The following IFT43 variants were observed in gnomAD, a reference collection of about 807,000 sequenced individuals.
IFT43 encodes the protein intraflagellar transport protein 43 homolog.
A neutral mutation model predicts 32.3 loss-of-function variants in IFT43; 33 were observed. The observed-to-expected ratio is 1.02, with a 90% confidence interval of 0.77 to 1.37. The LOEUF is 1.37. Among genes scored for constraint, IFT43 ranks in the 40% most tolerant of loss-of-function variants. The pLI, the probability that IFT43 is intolerant of heterozygous loss-of-function variation, is 0.00. For synonymous variants in IFT43, 93 were observed against 98.2 expected, an observed-to-expected ratio of 0.95 and a Z score of 0.31; for missense variants, 274 against 265.9, an observed-to-expected ratio of 1.03 and a Z score of -0.21.
intron 5 of IFT43, among the ~76,000 whole-genome samples, chr14:76,072,939 C>T (rs921296987): frequency 1.3e-5 from 2 of 152,186 alleles, no homozygotes; most frequent in Admixed American, 1.3e-4. Flanking sequence ...ACTTCTCCAC[C>T]TCCACACAGT....
intron 2 of IFT43, among the ~76,000 whole-genome samples, chr14:75,995,419 G>C (rs957804207): frequency 6.6e-6 from 1 of 152,150 alleles, no homozygotes; most frequent in Non-Finnish European, 1.5e-5. Flanking sequence ...AGTCACAGCT[G>C]TTCCCTTTCT....
intron 3 of IFT43, among the ~76,000 whole-genome samples, chr14:76,028,468 AAATCTGTTTTATTTT>A (rs1429736985): frequency 6.6e-6 from 1 of 152,142 alleles, no homozygotes; most frequent in Admixed American, 6.6e-5. Flanking sequence ...GATTTTAAAA[AAATCTGTTTTATTTT>A]AGATTCAGGA....
chr14:75,998,873 T>C (rs1433512232), intron 2 of IFT43, among the ~76,000 whole-genome samples: 1 of 152,196 alleles, frequency 6.6e-6, no homozygotes, highest in Non-Finnish European at 1.5e-5. Flanking sequence ...ACTGGAACTA[T>C]AGGCATGCAC....
At chr14:76,039,621 T>C (rs2036668644) in intron 3 of IFT43, among the ~76,000 whole-genome samples, 1 of 152,228 alleles carries the variant, frequency 6.6e-6, no homozygotes, top group South Asian at 2.1e-4. Context: ...GTGTCTTCTT[T>C]TGAGACATTA....
intron 3 of IFT43, among the ~76,000 whole-genome samples, chr14:76,055,922 C>T (rs528678423): frequency 2.0e-4 from 31 of 152,272 alleles, no homozygotes; most frequent in African/African-American, 7.0e-4. Flanking sequence ...TAGTTCTGGA[C>T]CCCCAGTGTT....
At chr14:76,054,272 C>A (rs2036969366) in intron 3 of IFT43, among the ~76,000 whole-genome samples, 1 of 152,216 alleles carries the variant, frequency 6.6e-6, no homozygotes, top group African/African-American at 2.4e-5. Flanking sequence ...CTCCAGCTTC[C>A]AATTTGCTGT....
At chr14:76,059,641 A>T (rs893195944) in intron 5 of IFT43, 9 of 472,152 alleles carry the variant, frequency 1.9e-5, no homozygotes, top group Non-Finnish European at 3.5e-5. Flanking sequence ...TTCCCATCCC[A>T]CTCCCTCTCT....
chr14:76,060,515 G>A (rs770687353), intron 5 of IFT43, among the ~76,000 whole-genome samples: 13 of 148,778 alleles, frequency 8.7e-5, no homozygotes, highest in Middle Eastern at 3.5e-3. Context: ...CACCGCGCCC[G>A]GCCCCAAATT....
At chr14:76,072,413 G>A (rs957944833) in intron 5 of IFT43, among the ~76,000 whole-genome samples, 1 of 152,136 alleles carries the variant, frequency 6.6e-6, no homozygotes, top group Admixed American at 6.5e-5. Context: ...CCCTAACTAT[G>A]CCCTGAAATG....
At chr14:76,081,336 T>C (rs2037506931) in intron 5 of IFT43, among the ~76,000 whole-genome samples, 1 of 152,246 alleles carries the variant, frequency 6.6e-6, no homozygotes, top group African/African-American at 2.4e-5. Context: ...GTGTTTACAG[T>C]TGCTTTGGGA....
In IFT43 at chr14:75,992,730, G is replaced by A. The variant is rs570968670; in HGVS notation, c.147+3753G>A. On this transcript the variant is annotated intron_variant, in intron 2 of 8. Coordinates refer to ENST00000314067, the MANE Select transcript of IFT43 (RefSeq NM_001102564.3). ...CTGACTGATTTTTTTTTGTAGAGAC[G>A]AAGACTTGTTATGTTGCCCAGGCTG... Among the ~76,000 whole-genome samples the A allele has an allele frequency of 1.0e-3, 155 of 152,102 alleles. 1 individual carries two copies. The highest frequency in any genetic ancestry group is 3.5e-3 in the African/African-American group (146 of 41,484).
At chr14:75,999,250 TATATATATATATATATATATA>T (rs1243404819) in intron 2 of IFT43, among the ~76,000 whole-genome samples, 95 of 7,966 alleles carry the variant, frequency 0.012, 2 homozygotes, top group African/African-American at 0.039. Context: ...TATATATATA[TATATATATATATATATATATA>T]TGTATATATA....
intron 5 of IFT43, among the ~76,000 whole-genome samples, chr14:76,072,961 C>T (rs1054302702): frequency 5.3e-5 from 8 of 152,082 alleles, no homozygotes; most frequent in African/African-American, 1.9e-4. Context: ...GTGACAGGAG[C>T]GGGTGAATGA....
At position 76,022,230 on chromosome 14, in the gene IFT43, G is replaced by A. The variant is rs1021612195; in HGVS notation, c.148-97G>A. The A allele has an allele frequency of 2.7e-6, 3 of 1,130,286 alleles. No individual in the cohort carries two copies. In the African/African-American group the frequency reaches 4.7e-5, roughly 18 times the overall value. The allele number at this position is 1,130,286 out of a possible 1,614,324, so 70.0% of individuals were successfully genotyped here. ...CGCACCACTGCACTCCAGCCTGGGT[G>A]ACAGAGTGAGATTTCATCTCAAAAA... On this transcript the variant is annotated intron_variant, in intron 2 of 8. Transcript: ENST00000314067.
chr14:76,014,233 C>A, intron 2 of IFT43: 1 of 180,556 alleles, frequency 5.5e-6, no homozygotes. Context: ...TGTGCTACCA[C>A]CTGGCATTCG....
intron 3 of IFT43, among the ~76,000 whole-genome samples, chr14:76,023,924 A>C (rs991262769): frequency 6.6e-6 from 1 of 152,230 alleles, no homozygotes; most frequent in Non-Finnish European, 1.5e-5. Flanking sequence ...GGGGTGTTCA[A>C]GAGAGAGAAT....
At chr14:76,038,093 G>A (rs1175866809) in intron 3 of IFT43, 2 of 152,190 alleles carry the variant, frequency 1.3e-5, no homozygotes, top group Non-Finnish European at 2.9e-5. Context: ...AAAGAACCCG[G>A]AATCAGTATG....
chr14:76,066,368 C>T (rs1382116207), intron 5 of IFT43, among the ~76,000 whole-genome samples: 1 of 152,226 alleles, frequency 6.6e-6, no homozygotes, highest in African/African-American at 2.4e-5. Flanking sequence ...TCTTCTCCAA[C>T]ATAAATCTGT....
At chr14:76,059,465 C>A in intron 5 of IFT43, 92 bp downstream of exon 5, 3 of 1,232,370 alleles carry the variant, frequency 2.4e-6, no homozygotes, top group South Asian at 1.2e-5. Flanking sequence ...GCTGCAGCAT[C>A]ACTGAAGACA....
Sources: allele counts gnomAD v4.1 joint callset (sites outside exome capture counted in the v4.1 genomes callset), GRCh38; gene constraint gnomAD v4.1.1; transcripts MANE v1.5; gene names NCBI Gene and HGNC (gene_info 2026-07-23, HGNC 2026-07-21).